SLC25A1: variants seen among roughly 807,000 people sequenced by gnomAD.
SLC25A1 encodes the protein tricarboxylate transport protein, mitochondrial.
SLC25A1 carries 26 observed loss-of-function variants against 38.1 expected under a neutral mutation model. The observed-to-expected ratio is 0.68, with a 90% CI of 0.50 to 0.95. SLC25A1 has a LOEUF of 0.95. SLC25A1 is among the 40% of genes least tolerant of loss of function. SLC25A1 has a pLI of 0.00. For synonymous variants in SLC25A1, 211 were observed against 183.2 expected, an observed-to-expected ratio of 1.15 and a Z score of -1.23; for missense variants, 378 against 426.6, an observed-to-expected ratio of 0.89 and a Z score of 1.00.
chr22:19,175,865 CACAG>C lies in SLC25A1; in HGVS notation c.*261_*264del, dbSNP rs2083950549. On this transcript the variant is annotated 3_prime_UTR_variant, in exon 9 of 9. Coordinates refer to ENST00000215882, the MANE Select transcript of SLC25A1 (RefSeq NM_005984.5). ...GGAGGCGGGGCACAGGGTCACGTGA[CACAG>C]AACATGAAACACAGGCACAGGGTCA... is the stretch of plus-strand genomic sequence containing the variant. 2.8e-5 allele frequency: 2 copies of C among 72,428 alleles called. No individual in the cohort carries two copies. Among genetic ancestry groups the C allele is most frequent in the African/African-American group, 6.1e-4 (1 of 1,644 alleles). 4.5% of individuals were successfully genotyped at this position (72,428 alleles called of 1,614,324 possible).
At position 19,176,109 on chromosome 22, in the gene SLC25A1, C is replaced by T; in HGVS notation, c.*21G>A. 1 of 1,600,056 alleles carries T rather than the reference C, an allele frequency of 6.2e-7. No individual in the cohort carries two copies. Among genetic ancestry groups the T allele is most frequent in the Non-Finnish European group, 8.6e-7 (1 of 1,167,942 alleles). On this transcript the variant is annotated 3_prime_UTR_variant, in exon 9 of 9. Transcript: ENST00000215882. ...ACACTCTGGCGGTGCCTGGGGCGGT[C>T]CCCTTGCGGCCTCTCTAGGCTTAGT...
Position 19,176,618 on chromosome 22 carries a change from A to C in SLC25A1, c.707T>G (p.Phe236Cys). The change falls in exon 7 of 9, where the codon TTT becomes TGT. Residue 236 changes from phenylalanine (F) to cysteine (C), a missense_variant. Coordinates refer to ENST00000215882, the MANE Select transcript of SLC25A1 (RefSeq NM_005984.5). ...AATCACATCCAGAGGAGTGTTTCCA[A>C]AGACACTGGCTGCGCCTGCAATAGC... ...FGAIAGAASV[F>C]GNTPLDVIKT... 4 of 1,613,974 alleles carry C rather than the reference A, an allele frequency of 2.5e-6. No homozygotes were observed. Among genetic ancestry groups the C allele is most frequent in the Non-Finnish European group, 3.4e-6 (4 of 1,180,016 alleles).
At position 19,178,283 on chromosome 22, in the gene SLC25A1, G is replaced by A. The variant is rs1555923362; in HGVS notation, c.95-43C>T. On this transcript the variant is annotated intron_variant, in intron 1 of 8. Coordinates refer to ENST00000215882, the MANE Select transcript of SLC25A1 (RefSeq NM_005984.5). This position sits in a 1 kb window ranked among gnomAD's most constrained non-coding sequence, Gnocchi z 4.9. ...CCGCTCCTGAGACTCCCGCCCGGCC[G>A]CTGGCGCTCGGGCCCCTCCCCCGTC... The A allele has an allele frequency of 6.5e-7, 1 of 1,539,438 alleles. No homozygotes were observed. Among genetic ancestry groups the A allele is most frequent in the East Asian group, 2.5e-5 (1 of 39,820 alleles).
intron 5 of SLC25A1, 21 bp from the exon 6 acceptor site, chr22:19,176,971 G>A: frequency 6.2e-7 from 1 of 1,611,952 alleles, no homozygotes; most frequent in South Asian, 1.1e-5. Context: ...GCAGGCACGG[G>A]GTTACCCTGC....
At position 19,178,561 on chromosome 22, in the gene SLC25A1, G is replaced by A. The variant is rs1057524006; in HGVS notation, c.94+19C>T. 5.6e-6 allele frequency: 7 copies of A among 1,244,526 alleles called. No individual in the cohort carries two copies. Among genetic ancestry groups the A allele is most frequent in the African/African-American group, 1.6e-5 (1 of 63,918 alleles). 77.1% of individuals were successfully genotyped at this position (1,244,526 alleles called of 1,614,324 possible). A position where few individuals can be genotyped will look rare whatever the true frequency, so the allele number is the denominator to read the frequency against. The stretch of plus-strand genomic sequence containing the variant: ...CAGAAGCGCGGCGGGAGAGGGGTCC[G>A]CGTCCCGGAGGGGCCCACCTGCCAG... On this transcript the variant is annotated intron_variant, in intron 1 of 8. Coordinates refer to ENST00000215882, the MANE Select transcript of SLC25A1 (RefSeq NM_005984.5). This position sits in a 1 kb window ranked among gnomAD's most constrained non-coding sequence, Gnocchi z 4.9.
chr22:19,177,633 C>G lies in SLC25A1; in HGVS notation c.441+94G>C, dbSNP rs552991986. The G allele has an allele frequency of 1.4e-5, 21 of 1,547,656 alleles. No homozygotes were observed. In the Admixed American group the frequency reaches 3.5e-4, roughly 26 times the overall value. ...TCCCTGGCGTCCAGGAGACCCTCCC[C>G]AGCTTGCCGGTTGCCCCGGGAGCAC... On this transcript the variant is annotated intron_variant, in intron 4 of 8. Transcript: ENST00000215882.
In SLC25A1 at chr22:19,176,501, G is replaced by A; in HGVS notation, c.748-7C>T. 4 of 1,613,782 alleles carry A rather than the reference G, an allele frequency of 2.5e-6. No homozygotes were observed. Among genetic ancestry groups the A allele is most frequent in the South Asian group, 1.1e-5 (1 of 91,090 alleles). On this transcript the variant is annotated splice_polypyrimidine_tract_variant and splice_region_variant and intron_variant, in intron 7 of 8. Coordinates refer to ENST00000215882, the MANE Select transcript of SLC25A1 (RefSeq NM_005984.5). ...ATTTGTGCGCCTCCAGGCCCTATGG[G>A]GGACATCAGCAGGCAGGGGCTCAGC...
Position 19,175,969 on chromosome 22 carries a change from G to T in SLC25A1, c.*161C>A, listed in dbSNP as rs1019219352. 4.8e-5 allele frequency: 31 copies of T among 651,988 alleles called. No homozygotes were observed. The East Asian group carries it at 7.6e-4, about 16-fold the overall frequency. The allele number at this position is 651,988 out of a possible 1,614,324, so 40.4% of individuals were successfully genotyped here. A position where few individuals can be genotyped will look rare whatever the true frequency, so the allele number is the denominator to read the frequency against. On this transcript the variant is annotated 3_prime_UTR_variant, in exon 9 of 9. Coordinates refer to ENST00000215882, the MANE Select transcript of SLC25A1 (RefSeq NM_005984.5). ...TGGTGGTGTCACACACAGACCACAG[G>T]GGGGACACATGGATTTGACAGCCAC...
rs781795825 is a variant in SLC25A1 at position 19,176,503 on chromosome 22, G to GAC, written c.748-11_748-10dup. On this transcript the variant is annotated splice_polypyrimidine_tract_variant and intron_variant, in intron 7 of 8. Transcript: ENST00000215882. ...TTGTGCGCCTCCAGGCCCTATGGGG[G>GAC]ACATCAGCAGGCAGGGGCTCAGCAG... is the stretch of plus-strand genomic sequence containing the variant. 2.6e-5 allele frequency: 42 copies of GAC among 1,613,620 alleles called. 1 individual carries two copies. The South Asian group carries it at 2.7e-4, about 11-fold the overall frequency.
rs1045842961 is a variant in SLC25A1, at chr22:19,178,432, C to A, written c.94+148G>T. On this transcript the variant is annotated intron_variant, in intron 1 of 8. Coordinates refer to ENST00000215882, the MANE Select transcript of SLC25A1 (RefSeq NM_005984.5). The surrounding 1 kb of genome is among the most constrained non-coding windows in gnomAD (Gnocchi z 4.9). ...CAGGGGGTGACAGACGGGAGGCGGG[C>A]GAGTCCCAGCGCGCCGGGTGGGGAC... is the stretch of plus-strand genomic sequence containing the variant. 6.6e-6 allele frequency: 9 copies of A among 1,369,304 alleles called. No individual in the cohort carries two copies. Among genetic ancestry groups the A allele is most frequent in the Non-Finnish European group, 7.5e-6 (8 of 1,067,708 alleles). 84.8% of individuals were successfully genotyped at this position (1,369,304 alleles called of 1,614,324 possible). A position where few individuals can be genotyped will look rare whatever the true frequency, so the allele number is the denominator to read the frequency against.
Position 19,176,626 on chromosome 22 carries a change from G to T in SLC25A1, c.699C>A (p.Ala233=), listed in dbSNP as rs2083964723. ...CCAGAGGAGTGTTTCCAAAGACACT[G>T]GCTGCGCCTGCAATAGCTCCGAAGA... ...TGVFGAIAGA[A]SVFGNTPLDV... is the part of the protein sequence containing the mutation. Residue 233 remains alanine (A), a synonymous_variant, in exon 7 of 9, where the codon GCC becomes GCA. Coordinates refer to ENST00000215882, the MANE Select transcript of SLC25A1 (RefSeq NM_005984.5). 6.2e-7 allele frequency: 1 copy of T among 1,613,976 alleles called. No individual in the cohort carries two copies. The highest frequency in any genetic ancestry group is 8.5e-7 in the Non-Finnish European group (1 of 1,180,014).
chr22:19,177,486 T>G (rs1476890993), intron 4 of SLC25A1, among the ~76,000 whole-genome samples: 1 of 152,228 alleles, frequency 6.6e-6, no homozygotes, highest in East Asian at 1.9e-4. Flanking sequence ...CATTTTGTTT[T>G]CTGCTTTATA....
At position 19,178,213 on chromosome 22, in the gene SLC25A1, C is replaced by G; in HGVS notation, c.122G>C (p.Cys41Ser). ...AGGLAGGIEI[C>S]ITFPTEYVKT... Reference sequence around the variant, plus strand: ...CACGTACTCGGTGGGGAAGGTGATGCAGATCTCGATGCCACCCGCCAGGCC... The same window carrying G: ...CACGTACTCGGTGGGGAAGGTGATGGAGATCTCGATGCCACCCGCCAGGCC... Residue 41 changes from cysteine to serine, a missense_variant, in exon 2 of 9, where the codon TGC becomes TCC. By Grantham distance (112) the Cys-to-Ser change is moderately radical. Transcript: ENST00000215882. This position sits in a 1 kb window ranked among gnomAD's most constrained non-coding sequence, Gnocchi z 4.9. 2 of 1,551,916 alleles carry G rather than the reference C, an allele frequency of 1.3e-6. No homozygotes were observed. The highest frequency in any genetic ancestry group is 1.7e-6 in the Non-Finnish European group (2 of 1,148,762).
chr22:19,176,529 C>G, intron 7 of SLC25A1, 35 bp from the exon 8 acceptor site: 1 of 1,612,756 alleles, frequency 6.2e-7, no homozygotes. Context: ...GGCTCAGCAG[C>G]TAGCTCTGGC....
rs1555923512 is a variant in SLC25A1 at position 19,178,462 on chromosome 22, AC to A, written c.94+117del. The A allele has an allele frequency of 7.4e-7, 1 of 1,352,008 alleles. No individual in the cohort carries two copies. 83.8% of individuals were successfully genotyped at this position (1,352,008 alleles called of 1,614,324 possible). On this transcript the variant is annotated intron_variant, in intron 1 of 8. Transcript: ENST00000215882. The surrounding 1 kb of genome is among the most constrained non-coding windows in gnomAD (Gnocchi z 4.9). The stretch of plus-strand genomic sequence containing the variant: ...CCCAGCGCGCCGGGTGGGGACCAGG[AC>A]CGCGCCTCCACGACTCCCCAGCCCA...
chr22:19,176,768 C>T (rs2083967341), intron 6 of SLC25A1, 75 bp from the exon 7 acceptor site: 3 of 1,591,544 alleles, frequency 1.9e-6, no homozygotes, highest in African/African-American at 1.3e-5. Flanking sequence ...AGGTGGGTGC[C>T]CGCCACCCAG....
Position 19,176,865 on chromosome 22 carries a change from G to A in SLC25A1, c.612C>T (p.Ser204=), listed in dbSNP as rs371530845. 2 of 1,613,894 alleles carry A rather than the reference G, an allele frequency of 1.2e-6. No individual in the cohort carries two copies. The highest frequency in any genetic ancestry group is 1.1e-5 in the South Asian group (1 of 91,086). ...ACACACCTCGGTACCAGTTGCGCAG[G>A]GAGGTCATGACGAAGAAGCGGATGG... ...NQAIRFFVMT[S]LRNWYRGDNP... Residue 204 remains serine, a synonymous_variant, in exon 6 of 9, where the codon TCC becomes TCT. Transcript: ENST00000215882.
Position 19,176,928 on chromosome 22 carries a change from G to A in SLC25A1, c.549C>T (p.Gly183=), listed in dbSNP as rs781901422. The change falls in exon 6 of 9, where the codon GGC becomes GGT. Residue 183 remains glycine (G), a synonymous_variant. Transcript: ENST00000215882. ...CCTGCTTCAGGACAGTGGCTGTGAG[G>A]CCCTGGTACGTCCCCTTCAGCCCTG... The part of the protein sequence containing the change: ...REQGLKGTYQ[G]LTATVLKQGS... The A allele has an allele frequency of 3.7e-6, 6 of 1,613,636 alleles. No homozygotes were observed. The South Asian group carries it at 4.4e-5, about 12-fold the overall frequency.
Position 19,177,860 on chromosome 22 carries a change from C to T in SLC25A1, c.308G>A (p.Gly103Glu), listed in dbSNP as rs782590548. ...GSIPKAAVRF[G>E]MFEFLSNHMR... ...GTGGTTGCTGAGGAACTCGAACATT[C>T]CAAACCTGGAGGCGGGAGGCGGGTG... The change falls in exon 4 of 9, where the codon GGA becomes GAA. Residue 103 changes from glycine (G) to glutamate (E), a missense_variant. Gly to Glu is a moderately conservative substitution (Grantham distance 98, BLOSUM62 -2). Transcript: ENST00000215882. 6.2e-7 allele frequency: 1 copy of T among 1,606,384 alleles called. No individual in the cohort carries two copies. Among genetic ancestry groups the T allele is most frequent in the Non-Finnish European group, 8.5e-7 (1 of 1,177,046 alleles).
Sources: gnomAD v4.1 joint callset for allele counts (sites outside exome capture counted in the v4.1 genomes callset) on GRCh38, gnomAD v4.1.1 for gene constraint, Gnocchi (gnomAD v3.1) non-coding constraint, MANE v1.5 for transcripts, NCBI Gene and HGNC (gene_info 2026-07-23, HGNC 2026-07-21) for gene names.